The following NCLN variants were observed in gnomAD, a reference collection of about 807,000 sequenced individuals.
NCLN encodes BOS complex subunit NCLN.
NCLN carries 34 observed loss-of-function variants against 69.5 expected under a neutral mutation model. That is an observed-to-expected ratio of 0.49 (90% CI 0.37 to 0.65). The LOEUF (loss-of-function observed/expected upper bound fraction) is 0.65. Among genes scored for constraint, NCLN ranks in the 30% least tolerant of loss-of-function variants. The pLI is 0.00. For synonymous variants in NCLN, 393 were observed against 358.3 expected (o/e 1.10, Z -1.09); for missense variants, 710 against 804.8 (o/e 0.88, Z 1.42).
Position 3,194,231 on chromosome 19 carries a change from AAGTT to A in NCLN, c.520+806_520+809del, listed in dbSNP as rs1397655768. On this transcript the variant is annotated intron_variant, in intron 3 of 14. Transcript: ENST00000246117. ...CCTGTCTTTACTAAAAAAATAGAAA[AAGTT>A]AGCCGGGCGCGGTGGCAGGTGCCTG... Among the ~76,000 whole-genome samples the A allele has an allele frequency of 6.6e-5, 10 of 152,240 alleles. No individual in the cohort carries two copies. The South Asian group carries it at 2.1e-3, about 32-fold the overall frequency.
rs200853892 is a variant in NCLN at position 3,198,828 on chromosome 19, G to A, written c.627G>A (p.Thr209=). 3.9e-5 allele frequency: 62 copies of A among 1,576,620 alleles called. No individual in the cohort carries two copies. Among genetic ancestry groups the A allele is most frequent in the Middle Eastern group, 1.7e-4 (1 of 5,958 alleles). Residue 209 remains threonine, a synonymous_variant, in exon 5 of 15, where the codon ACG becomes ACA. Coordinates refer to ENST00000246117, the MANE Select transcript of NCLN (RefSeq NM_020170.4). ...CTCTCTATCCACAGGGGCGGCTGACGGGGCTGGGCGGAGAGGACCTTCCCA... is the reference window on the plus strand; with the variant it reads ...CTCTCTATCCACAGGGGCGGCTGACAGGGCTGGGCGGAGAGGACCTTCCCA... ...WLIASVEGRL[T]GLGGEDLPTI...
At position 3,204,130 on chromosome 19, in the gene NCLN, C is replaced by T. The variant is rs778902836; in HGVS notation, c.1015C>T (p.Arg339Trp). ...REGTLQHAFL[R>W]ELETVAAHQF... ...GGGCACCCTGCAGCACGCCTTCCTG[C>T]GGGAGCTGGAGACGGTGGGTGCCCC... The change falls in exon 8 of 15, where the codon CGG becomes TGG. Residue 339 changes from arginine (R) to tryptophan (W), a missense_variant. Physicochemically the swap from Arg to Trp is moderately radical, Grantham distance 101. Transcript: ENST00000246117. The T allele has an allele frequency of 5.0e-5, 76 of 1,512,506 alleles. No homozygotes were observed. Among genetic ancestry groups the T allele is most frequent in the Non-Finnish European group, 6.1e-5 (69 of 1,132,202 alleles). 93.7% of individuals were successfully genotyped at this position (1,512,506 alleles called of 1,614,324 possible).
chr19:3,201,858 A>C (rs923780295), intron 6 of NCLN, among the ~76,000 whole-genome samples: 1 of 152,218 alleles, frequency 6.6e-6, no homozygotes, highest in Admixed American at 6.5e-5. Context: ...CCTGCTGGGA[A>C]TGCTGTCAGC....
chr19:3,201,655 G>T, intron 6 of NCLN, 29 bp downstream of exon 6: 3 of 1,443,584 alleles, frequency 2.1e-6, no homozygotes, highest in African/African-American at 1.4e-5. Flanking sequence ...AGGGGGATGG[G>T]GGTGCGGGGG....
At position 3,207,985 on chromosome 19, in the gene NCLN, C is replaced by T. The variant is rs115402060; in HGVS notation, c.*297C>T. On this transcript the variant is annotated 3_prime_UTR_variant, in exon 15 of 15. Transcript: ENST00000246117. ...CCCAGTCCTGGGAGCCGGCCGCCCT[C>T]GGTCTGGTGTAAGCACACATGCACG... 0.011 allele frequency: 4,885 copies of T among 452,874 alleles called. 204 individuals are homozygous for T. Among genetic ancestry groups the T allele is most frequent in the African/African-American group, 0.088 (4,436 of 50,676 alleles). The allele number at this position is 452,874 out of a possible 1,614,324, so 28.1% of individuals were successfully genotyped here.
intron 4 of NCLN, among the ~76,000 whole-genome samples, chr19:3,197,970 C>T (rs1360209636): frequency 6.6e-6 from 1 of 152,214 alleles, no homozygotes; most frequent in Non-Finnish European, 1.5e-5. Flanking sequence ...ATGTGCAAGC[C>T]GTCCATGGCA....
chr19:3,199,765 A>G (rs1568313235), intron 5 of NCLN, among the ~76,000 whole-genome samples: 1 of 142,818 alleles, frequency 7.0e-6, no homozygotes, highest in Non-Finnish European at 1.5e-5. Flanking sequence ...CAGTGGCACA[A>G]TCTCGGCTCA....
At chr19:3,190,799 G>A (rs530380102) in intron 1 of NCLN, among the ~76,000 whole-genome samples, 7 of 152,304 alleles carry the variant, frequency 4.6e-5, no homozygotes, top group South Asian at 2.1e-4. Flanking sequence ...CGGGCTTTGC[G>A]TGGCATTCTG....
chr19:3,198,665 G>C (rs1916038188), intron 4 of NCLN, 152 bp from the exon 5 acceptor site: 1 of 503,514 alleles, frequency 2.0e-6, no homozygotes, highest in Admixed American at 3.8e-5. Flanking sequence ...AGAGTCAGAG[G>C]CTGGCACCTC....
intron 5 of NCLN, among the ~76,000 whole-genome samples, chr19:3,199,622 G>A (rs868706895): frequency 1.3e-5 from 2 of 152,082 alleles, no homozygotes; most frequent in South Asian, 2.1e-4. Flanking sequence ...GTTCTGCTCA[G>A]CGTGGGTTGA....
rs770768369 is a variant in NCLN, at chr19:3,207,768, C to T, written c.*80C>T. The T allele has an allele frequency of 1.2e-4, 154 of 1,306,188 alleles. No homozygotes were observed. The highest frequency in any genetic ancestry group is 1.5e-4 in the Non-Finnish European group (134 of 909,176). 80.9% of individuals were successfully genotyped at this position (1,306,188 alleles called of 1,614,324 possible). On this transcript the variant is annotated 3_prime_UTR_variant, in exon 15 of 15. Coordinates refer to ENST00000246117, the MANE Select transcript of NCLN (RefSeq NM_020170.4). ...CACGAGTGAGTGGACACTGCCCCGC[C>T]GCGGGCGGCCCTGCAGGGACAGGGG...
chr19:3,196,346 G>A, intron 4 of NCLN, 69 bp downstream of exon 4: 4 of 1,224,718 alleles, frequency 3.3e-6, no homozygotes, highest in Non-Finnish European at 4.6e-6. Flanking sequence ...TGGCTCCCCG[G>A]CTCGGCCGTA....
chr19:3,190,198 T>C (rs1314968402), intron 1 of NCLN, among the ~76,000 whole-genome samples: 4 of 152,142 alleles, frequency 2.6e-5, no homozygotes, highest in Non-Finnish European at 5.9e-5. Flanking sequence ...AGGTCTTTGC[T>C]GCCATGTCCC....
At position 3,204,084 on chromosome 19, in the gene NCLN, C is replaced by T. The variant is rs147476069; in HGVS notation, c.969C>T (p.His323=). Residue 323 remains histidine (H), a synonymous_variant, in exon 8 of 15, where the codon CAC becomes CAT. Transcript: ENST00000246117. ...TVGRGSSLHL[H]VSKPPREGTL... The stretch of plus-strand genomic sequence containing the variant: ...GCCGGGGCAGCAGCCTGCACCTGCA[C>T]GTGTCCAAGCCGCCTCGGGAGGGCA... 36 of 1,545,582 alleles carry T rather than the reference C, an allele frequency of 2.3e-5. No homozygotes were observed. The highest frequency in any genetic ancestry group is 2.7e-5 in the Non-Finnish European group (31 of 1,148,014).
chr19:3,205,312 C>T lies in NCLN; in HGVS notation c.1208+561C>T, dbSNP rs966818057. On this transcript the variant is annotated intron_variant, in intron 9 of 14. Coordinates refer to ENST00000246117, the MANE Select transcript of NCLN (RefSeq NM_020170.4). This position sits in a 1 kb window ranked among gnomAD's most constrained non-coding sequence, Gnocchi z 4.6. ...CACCAGCAGGTGGGCGCCGTCTCCT[C>T]CCCCAGCGCCCGCAGTCCCGGCATA... Among the ~76,000 whole-genome samples the T allele has an allele frequency of 2.0e-5, 3 of 152,138 alleles. No individual in the cohort carries two copies. Among genetic ancestry groups the T allele is most frequent in the Admixed American group, 1.3e-4 (2 of 15,270 alleles).
chr19:3,201,906 C>A (rs1400591767), intron 6 of NCLN, among the ~76,000 whole-genome samples: 1 of 152,164 alleles, frequency 6.6e-6, no homozygotes, highest in Non-Finnish European at 1.5e-5. Flanking sequence ...GGCCCTGGAA[C>A]TAGGGGATCC....
At chr19:3,202,205 C>T (rs886096844) in intron 6 of NCLN, among the ~76,000 whole-genome samples, 12 of 152,290 alleles carry the variant, frequency 7.9e-5, no homozygotes, top group African/African-American at 2.4e-4. Flanking sequence ...GAAATCCACA[C>T]CCTGAGTAGG....
At chr19:3,188,149 T>C (rs1422836873) in intron 1 of NCLN, among the ~76,000 whole-genome samples, 3 of 152,152 alleles carry the variant, frequency 2.0e-5, no homozygotes, top group Non-Finnish European at 4.4e-5. Context: ...GTTCACACTC[T>C]TGGCATCTCC....
Position 3,189,829 on chromosome 19 carries a change from G to A in NCLN, c.185-2641G>A, listed in dbSNP as rs573140998. The stretch of plus-strand genomic sequence containing the variant: ...GAGCCCTTGCCATTGGGCCCCGAGC[G>A]AGCGGGGGCTGGGATCCAGAGGGCA... On this transcript the variant is annotated intron_variant, in intron 1 of 14. Transcript: ENST00000246117. Among the ~76,000 whole-genome samples, 7 of 152,254 alleles carry A rather than the reference G, an allele frequency of 4.6e-5. No homozygotes were observed. The South Asian group carries it at 1.0e-3, about 23-fold the overall frequency.
Sources: gnomAD v4.1 joint callset for allele counts (sites outside exome capture counted in the v4.1 genomes callset) on GRCh38, gnomAD v4.1.1 for gene constraint, Gnocchi (gnomAD v3.1) non-coding constraint, MANE v1.5 for transcripts, NCBI Gene and HGNC (gene_info 2026-07-23, HGNC 2026-07-21) for gene names.